Variants in TBC1D5 observed in about 807,000 individuals in gnomAD.
The protein encoded by TBC1D5 is TBC1 domain family member 5, also known as TBC1 domain family, member 5.
A neutral mutation model predicts 100.3 loss-of-function variants in TBC1D5; 75 were observed. That is an observed-to-expected ratio of 0.75 (90% confidence interval 0.62 to 0.91). The LOEUF (loss-of-function observed/expected upper bound fraction) is 0.91. TBC1D5 is among the 40% of genes least tolerant of loss of function. The pLI, the probability that TBC1D5 is intolerant of heterozygous loss-of-function variation, is 0.00. For synonymous variants in TBC1D5, 323 were observed against 325.6 expected (o/e 0.99, Z 0.09); for missense variants, 910 against 942.4 (o/e 0.97, Z 0.45).
At chr3:17,442,246 T>C (rs564449183) in intron 3 of TBC1D5, among the ~76,000 whole-genome samples, 224 of 152,316 alleles carry the variant, frequency 1.5e-3, no homozygotes, top group African/African-American at 5.3e-3. Context: ...CTTTTTTCAT[T>C]TCTAACCATG....
chr3:17,513,189 A>G (rs1310763050), intron 2 of TBC1D5, among the ~76,000 whole-genome samples: 1 of 152,064 alleles, frequency 6.6e-6, no homozygotes, highest in African/African-American at 2.4e-5. Flanking sequence ...AAAATTAGCT[A>G]GGCATGGTGA....
At chr3:17,268,527 T>C (rs1461815093) in intron 15 of TBC1D5, among the ~76,000 whole-genome samples, 2 of 152,148 alleles carry the variant, frequency 1.3e-5, no homozygotes, top group African/African-American at 4.8e-5. Context: ...TTAATAATTA[T>C]ATGACAAGAT....
intron 3 of TBC1D5, among the ~76,000 whole-genome samples, chr3:17,487,375 C>A (rs1264506547): frequency 6.6e-6 from 1 of 152,140 alleles, no homozygotes; most frequent in Non-Finnish European, 1.5e-5. Flanking sequence ...TATGAGTTAA[C>A]ATAAACAATA....
At chr3:17,466,105 T>C (rs955357877) in intron 3 of TBC1D5, among the ~76,000 whole-genome samples, 1 of 152,354 alleles carries the variant, frequency 6.6e-6, no homozygotes, top group East Asian at 1.9e-4. Flanking sequence ...AACAGAGTAC[T>C]TACTCAGGAA....
chr3:17,507,826 G>C (rs764728215), intron 3 of TBC1D5, among the ~76,000 whole-genome samples: 5 of 152,014 alleles, frequency 3.3e-5, no homozygotes, highest in Non-Finnish European at 5.9e-5. Context: ...AAACTCAATT[G>C]CTTCTGTCTA....
intron 2 of TBC1D5, among the ~76,000 whole-genome samples, chr3:17,538,264 A>G (rs1291018474): frequency 1.3e-5 from 2 of 152,114 alleles, no homozygotes; most frequent in Non-Finnish European, 2.9e-5. Context: ...TAGTCTCCTA[A>G]CAGATAGAAA....
rs1016155695 is a variant in TBC1D5, at chr3:17,346,373, C to T, written c.995+25702G>A. 1.3e-4 allele frequency among the ~76,000 whole-genome samples: 20 copies of T among 152,140 alleles called. No individual in the cohort carries two copies. The East Asian group carries it at 3.1e-3, about 23-fold the overall frequency. ...TACAAAGTTAATTTTTTTTCAAATG[C>T]TTATGGGCATATACATACACATACA... On this transcript the variant is annotated intron_variant, in intron 13 of 21. Transcript: ENST00000253692.
At chr3:17,277,531 T>C (rs913453004) in intron 15 of TBC1D5, among the ~76,000 whole-genome samples, 4 of 152,190 alleles carry the variant, frequency 2.6e-5, no homozygotes, top group African/African-American at 7.2e-5. Context: ...TAACAGTATA[T>C]CAATTTTCAA....
chr3:17,735,630 C>G (rs1354650501), intron 1 of TBC1D5, among the ~76,000 whole-genome samples: 4 of 152,094 alleles, frequency 2.6e-5, no homozygotes, highest in African/African-American at 9.7e-5. Flanking sequence ...AGAAGAGAAC[C>G]ATGGAACCCA....
chr3:17,716,577 GT>G (rs375582099), intron 1 of TBC1D5, among the ~76,000 whole-genome samples: 7 of 151,904 alleles, frequency 4.6e-5, no homozygotes, highest in Admixed American at 1.3e-4. Flanking sequence ...ATTTCATATA[GT>G]TTTTTTTAAC....
chr3:17,284,123 C>CACACACACACACACACACAT (rs397973475), intron 15 of TBC1D5, among the ~76,000 whole-genome samples: 4 of 150,704 alleles, frequency 2.7e-5, no homozygotes, highest in Admixed American at 2.0e-4. Context: ...CACACACACA[C>CACACACACACACACACACAT]GTATTTTTAA....
At chr3:17,444,979 T>C (rs2094751180) in intron 3 of TBC1D5, among the ~76,000 whole-genome samples, 1 of 152,158 alleles carries the variant, frequency 6.6e-6, no homozygotes, top group South Asian at 2.1e-4. Flanking sequence ...ATGTGAGAAA[T>C]AACTTCATTG....
intron 2 of TBC1D5, among the ~76,000 whole-genome samples, chr3:17,510,399 A>G (rs2095890860): frequency 6.6e-6 from 1 of 152,064 alleles, no homozygotes; most frequent in Non-Finnish European, 1.5e-5. Context: ...ATTGTGGCTA[A>G]AACAATATAA....
chr3:17,302,246 C>T (rs942057563), intron 14 of TBC1D5, among the ~76,000 whole-genome samples: 22 of 152,004 alleles, frequency 1.4e-4, no homozygotes, highest in African/African-American at 2.2e-4. Flanking sequence ...AATATCACTC[C>T]AACCTCTGCT....
At chr3:17,476,480 T>C (rs1263862492) in intron 3 of TBC1D5, among the ~76,000 whole-genome samples, 1 of 152,030 alleles carries the variant, frequency 6.6e-6, no homozygotes. Flanking sequence ...GTCTATCTGT[T>C]CTTCCCACTA....
intron 2 of TBC1D5, among the ~76,000 whole-genome samples, chr3:17,591,233 C>CAAA (rs60889092): frequency 0.017 from 321 of 18,634 alleles, 46 homozygotes; most frequent in Non-Finnish European, 0.024. Flanking sequence ...AAGGATCTGT[C>CAAA]AAAAAAAAAA....
intron 1 of TBC1D5, among the ~76,000 whole-genome samples, chr3:17,634,776 T>C (rs1174922239): frequency 6.6e-6 from 1 of 152,124 alleles, no homozygotes; most frequent in Non-Finnish European, 1.5e-5. Flanking sequence ...AGGGGATGGA[T>C]ACCCAATTTC....
intron 19 of TBC1D5, among the ~76,000 whole-genome samples, chr3:17,170,204 G>A (rs995810504): frequency 1.3e-5 from 2 of 152,202 alleles, no homozygotes; most frequent in Admixed American, 6.5e-5. Context: ...ATGGCACACA[G>A]CACCGGATGC....
chr3:17,696,785 G>T (rs755811474), intron 1 of TBC1D5, among the ~76,000 whole-genome samples: 1 of 152,118 alleles, frequency 6.6e-6, no homozygotes, highest in Non-Finnish European at 1.5e-5. Context: ...ACCAAAGCCT[G>T]GCAGAGACAC....
Sources: allele counts gnomAD v4.1 joint callset (sites outside exome capture counted in the v4.1 genomes callset), GRCh38; gene constraint gnomAD v4.1.1; transcripts MANE v1.5; gene names NCBI Gene and HGNC (gene_info 2026-07-23, HGNC 2026-07-21).